NCR1: variants seen among roughly 807,000 people sequenced by gnomAD.
NCR1 encodes the protein natural cytotoxicity triggering receptor 1, also known as NK cell-activating receptor.
Under a neutral mutation model 32.5 loss-of-function variants are expected in NCR1, and 30 were observed. The ratio of observed to expected loss-of-function variants is 0.92; its 90% CI spans 0.69 to 1.25. The LOEUF (loss-of-function observed/expected upper bound fraction) is 1.25, where lower values mean the gene tolerates loss of function less well. Among genes scored for constraint, NCR1 ranks in the 50% most tolerant of loss-of-function variants. The pLI, the probability that NCR1 is intolerant of heterozygous loss-of-function variation, is 0.00. For synonymous variants in NCR1, 169 were observed against 143.4 expected, an observed-to-expected ratio of 1.18 and a Z score of -1.28; for missense variants, 369 against 380.7, an observed-to-expected ratio of 0.97 and a Z score of 0.26.
the NCR1 span, among the ~76,000 whole-genome samples, chr19:54,925,209 T>C: frequency 6.6e-6 from 1 of 151,974 alleles, no homozygotes; most frequent in African/African-American, 2.4e-5. Flanking sequence ...GCCCCAAACA[T>C]ATGACATAAG....
At chr19:54,900,478 G>A in the NCR1 span, among the ~76,000 whole-genome samples, 2 of 152,204 alleles carry the variant, frequency 1.3e-5, no homozygotes, top group African/African-American at 4.8e-5. Context: ...GCAAGAACAG[G>A]CCATTTTCAT....
downstream of NCR1, among the ~76,000 whole-genome samples, chr19:54,919,991 T>G (rs1421366789): frequency 6.6e-6 from 1 of 152,212 alleles, no homozygotes; most frequent in African/African-American, 2.4e-5. Context: ...TGAGGATTAT[T>G]ATAATATTGG....
At chr19:54,928,240 G>GA in the NCR1 span, among the ~76,000 whole-genome samples, 1 of 151,976 alleles carries the variant, frequency 6.6e-6, no homozygotes, top group Non-Finnish European at 1.5e-5. Context: ...AACATAAAAT[G>GA]AAAATACAAA....
chr19:54,911,084 C>T (rs1366964266), intron 5 of NCR1, among the ~76,000 whole-genome samples: 4 of 152,070 alleles, frequency 2.6e-5, no homozygotes, highest in African/African-American at 7.2e-5. Context: ...CGGTGGCTCA[C>T]GCCTGTAATC....
At chr19:54,905,534 A>G (rs761309711), upstream of NCR1, among the ~76,000 whole-genome samples, 44 of 152,220 alleles carry the variant, frequency 2.9e-4, no homozygotes, top group Non-Finnish European at 6.0e-4. Flanking sequence ...GACATGCATC[A>G]CATTATTCCT....
chr19:54,908,575 G>GC (rs1183823170), intron 3 of NCR1, among the ~76,000 whole-genome samples: 204 of 151,010 alleles, frequency 1.4e-3, no homozygotes, highest in African/African-American at 4.4e-3. Context: ...GGGCAGAGGC[G>GC]CCCCCCCACC....
chr19:54,905,252 A>C (rs1350713126), upstream of NCR1, among the ~76,000 whole-genome samples: 2 of 152,140 alleles, frequency 1.3e-5, no homozygotes, highest in Non-Finnish European at 2.9e-5. Context: ...AGCATCTGTT[A>C]ATTTCTGGCT....
intron 5 of NCR1, among the ~76,000 whole-genome samples, chr19:54,910,351 C>T (rs1470470420): frequency 6.6e-6 from 1 of 152,088 alleles, no homozygotes; most frequent in Non-Finnish European, 1.5e-5. Flanking sequence ...GTGGTTGGAT[C>T]ACAAGGTCAG....
At chr19:54,904,821 C>T (rs1000149676), upstream of NCR1, among the ~76,000 whole-genome samples, 1 of 152,098 alleles carries the variant, frequency 6.6e-6, no homozygotes, top group African/African-American at 2.4e-5. Context: ...CCTGAGCCAC[C>T]GTGTCTGGCC....
intron 4 of NCR1, among the ~76,000 whole-genome samples, chr19:54,909,810 C>A (rs966906887): frequency 6.6e-5 from 10 of 151,682 alleles, no homozygotes; most frequent in African/African-American, 1.9e-4. Flanking sequence ...TGGCGGACAC[C>A]TGTAGTCCCA....
At chr19:54,917,714 C>A (rs2068164123), downstream of NCR1, among the ~76,000 whole-genome samples, 1 of 152,114 alleles carries the variant, frequency 6.6e-6, no homozygotes, top group Non-Finnish European at 1.5e-5. Context: ...TTTTAATTGT[C>A]ATGACTTGGG....
downstream of NCR1, among the ~76,000 whole-genome samples, chr19:54,914,355 T>G (rs2068089649): frequency 6.6e-6 from 1 of 152,060 alleles, no homozygotes; most frequent in African/African-American, 2.4e-5. Flanking sequence ...ATGCTATCCC[T>G]TCCCCCGAGT....
the NCR1 span, among the ~76,000 whole-genome samples, chr19:54,927,311 G>A: frequency 6.9e-6 from 1 of 144,418 alleles, no homozygotes; most frequent in Non-Finnish European, 1.5e-5. Flanking sequence ...AACCCAGGAG[G>A]TGGGGGTTGC....
chr19:54,922,565 G>A, the NCR1 span, among the ~76,000 whole-genome samples: 10 of 151,910 alleles, frequency 6.6e-5, no homozygotes, highest in Non-Finnish European at 1.5e-4. Flanking sequence ...ATCACCTGAG[G>A]TCAGGAGTCC....
chr19:54,916,338 T>TTTTTTTTTTTTTTTTTTTTTTG (rs1556721210), downstream of NCR1, among the ~76,000 whole-genome samples: 2 of 132,024 alleles, frequency 1.5e-5, no homozygotes, highest in African/African-American at 5.9e-5. Context: ...TTTTTTTTTT[T>TTTTTTTTTTTTTTTTTTTTTTG]GAGACGAAGT....
At chr19:54,925,595 C>A in the NCR1 span, among the ~76,000 whole-genome samples, 14,563 of 152,112 alleles carry the variant, frequency 0.096, 1,022 homozygotes, top group East Asian at 0.35. Flanking sequence ...CGTTTGAAGC[C>A]AGGAGTTTGA....
chr19:54,916,702 A>ATTTTTTTT (rs35842513), downstream of NCR1, among the ~76,000 whole-genome samples: 33 of 50,476 alleles, frequency 6.5e-4, no homozygotes, highest in African/African-American at 1.0e-3. Flanking sequence ...CAACTGTTCT[A>ATTTTTTTT]TTTTTTTTTT....
chr19:54,934,488 C>T, the NCR1 span: 66 of 1,613,898 alleles, frequency 4.1e-5, no homozygotes, highest in South Asian at 1.2e-4. This position sits in a 1 kb window ranked among gnomAD's most constrained non-coding sequence, Gnocchi z 6.7. Context: ...AGGAGACTTA[C>T]GACAACATCT....
chr19:54,923,757 A>G, the NCR1 span: 3 of 1,613,302 alleles, frequency 1.9e-6, no homozygotes, highest in Non-Finnish European at 2.5e-6. Context: ...AAAAAGTCAC[A>G]GCACGGAGGT....
Sources: allele counts gnomAD v4.1 joint callset (sites outside exome capture counted in the v4.1 genomes callset), GRCh38; gene constraint gnomAD v4.1.1; non-coding constraint Gnocchi (gnomAD v3.1); transcripts MANE v1.5; gene names NCBI Gene and HGNC (gene_info 2026-07-23, HGNC 2026-07-21).